ABCA8: variants seen among roughly 807,000 people sequenced by gnomAD.
The protein encoded by ABCA8 is ABC-type organic anion transporter ABCA8.
ABCA8 carries 177 observed loss-of-function variants against 192.3 expected under a neutral mutation model. That is an observed-to-expected ratio of 0.92 (90% CI 0.81 to 1.04). ABCA8 has a LOEUF of 1.04. ABCA8 is among the 50% of genes least tolerant of loss of function. The pLI is 0.00. For synonymous variants in ABCA8, 642 were observed against 690.2 expected, an observed-to-expected ratio of 0.93 and a Z score of 1.09; for missense variants, 1,915 against 1,904.8, an observed-to-expected ratio of 1.01 and a Z score of -0.10.
intron 17 of ABCA8, among the ~76,000 whole-genome samples, 189 bp from the exon 18 acceptor site, chr17:68,908,068 T>C (rs138505442): frequency 1.1e-4 from 16 of 152,160 alleles, no homozygotes; most frequent in Non-Finnish European, 1.8e-4. Flanking sequence ...AGCCAAATCA[T>C]ATAAATGTGA....
intron 4 of ABCA8, 115 bp downstream of exon 4, chr17:68,940,643 T>A: frequency 1.1e-6 from 1 of 914,400 alleles, no homozygotes; most frequent in Admixed American, 2.4e-5. Flanking sequence ...TCCCAATTCA[T>A]GTACTCCAGA....
chr17:68,944,316 T>TAATATATATATATATATA (rs1226746677), intron 2 of ABCA8, among the ~76,000 whole-genome samples: 3 of 29,288 alleles, frequency 1.0e-4, no homozygotes, highest in Admixed American at 4.4e-4. Context: ...GAACTTAAAG[T>TAATATATATATATATATA]TATATATATA....
chr17:68,950,542 T>G (rs1344431035), intron 1 of ABCA8, among the ~76,000 whole-genome samples: 2 of 152,222 alleles, frequency 1.3e-5, no homozygotes, highest in Non-Finnish European at 1.5e-5. Flanking sequence ...TTTAAGCTTC[T>G]TTTTATTTTT....
In ABCA8 at chr17:68,882,702, C is replaced by A. The variant is rs2066365954; in HGVS notation, c.3725G>T (p.Ser1242Ile). ...DPFFRISPRS[S>I]DVCQNPEEPE... Reference sequence around the variant, plus strand: ...TTCTTCTGGATTTTGACACACATCACTACTTCTTGGAGAAATTCTAGAGTC... The same window carrying A: ...TTCTTCTGGATTTTGACACACATCAATACTTCTTGGAGAAATTCTAGAGTC... Residue 1242 changes from serine (S) to isoleucine (I), a missense_variant, in exon 30 of 40, where the codon AGT becomes ATT. Transcript: ENST00000586539. 6.2e-7 allele frequency: 1 copy of A among 1,612,102 alleles called. No individual in the cohort carries two copies. Among genetic ancestry groups the A allele is most frequent in the African/African-American group, 1.3e-5 (1 of 74,988 alleles).
At position 68,887,359 on chromosome 17, in the gene ABCA8, G is replaced by A. The variant is rs1375570741; in HGVS notation, c.3292C>T (p.Leu1098Phe). Residue 1098 changes from leucine to phenylalanine, a missense_variant, in exon 25 of 40, where the codon CTT becomes TTT. By Grantham distance (22) the Leu-to-Phe change is conservative. Coordinates refer to ENST00000586539, the MANE Select transcript of ABCA8 (RefSeq NM_001288985.2). ...SYISNFEDML[L>F]TIIHIIQIPC... ...ACTTGAATAATATGAATTATTGTAA[G>A]TAGCATGTCTTCGAAGTTTGAAATG... is the stretch of plus-strand genomic sequence containing the variant. 1 of 1,608,804 alleles carries A rather than the reference G, an allele frequency of 6.2e-7. No individual in the cohort carries two copies. The highest frequency in any genetic ancestry group is 1.1e-5 in the South Asian group (1 of 90,128).
rs905175890 is a variant in ABCA8 at position 68,926,677 on chromosome 17, T to C, written c.1273+1239A>G. Among the ~76,000 whole-genome samples, 4 of 152,242 alleles carry C rather than the reference T, an allele frequency of 2.6e-5. 1 individual carries two copies. The highest frequency in any genetic ancestry group is 9.6e-5 in the African/African-American group (4 of 41,472). ...AATTCTAATTGTGTAATAAGTGTGCTAGCCAACAATAGTGGATCCTGACAT... is the reference window on the plus strand; with the variant it reads ...AATTCTAATTGTGTAATAAGTGTGCCAGCCAACAATAGTGGATCCTGACAT... On this transcript the variant is annotated intron_variant, in intron 10 of 39. Transcript: ENST00000586539.
At chr17:68,893,185 G>A (rs1041606876) in intron 23 of ABCA8, among the ~76,000 whole-genome samples, 2 of 152,054 alleles carry the variant, frequency 1.3e-5, no homozygotes, top group African/African-American at 4.8e-5. Flanking sequence ...TCATGTTACA[G>A]GTTTTTTCCT....
At chr17:68,948,866 T>G (rs1036515097) in intron 2 of ABCA8, among the ~76,000 whole-genome samples, 5 of 152,192 alleles carry the variant, frequency 3.3e-5, no homozygotes, top group African/African-American at 1.2e-4. Flanking sequence ...AGGGTTTTTA[T>G]GGTTTTGGGT....
In ABCA8 at chr17:68,867,919, C is replaced by T; in HGVS notation, c.*166G>A. ...GTTGGCTTAGTCAAATGCCTCTGTC[C>T]ACACTGACATGGCACTTACCCAGCA... On this transcript the variant is annotated 3_prime_UTR_variant, in exon 40 of 40. Coordinates refer to ENST00000586539, the MANE Select transcript of ABCA8 (RefSeq NM_001288985.2). 1 of 594,550 alleles carries T rather than the reference C, an allele frequency of 1.7e-6. No individual in the cohort carries two copies. Among genetic ancestry groups the T allele is most frequent in the Admixed American group, 3.1e-5 (1 of 32,640 alleles). The allele number at this position is 594,550 out of a possible 1,614,324, so 36.8% of individuals were successfully genotyped here.
In ABCA8 at chr17:68,915,856, C is replaced by T. The variant is rs143415104; in HGVS notation, c.2138+1505G>A. Among the ~76,000 whole-genome samples the T allele has an allele frequency of 1.4e-3, 215 of 152,142 alleles. 4 individuals are homozygous for T. The highest frequency in any genetic ancestry group is 5.1e-3 in the African/African-American group (210 of 41,514). ...TTATTGATGCACCATTCACGAGAGC[C>T]GAGATTTGGAAGCAACCTAAGTGTC... is the stretch of plus-strand genomic sequence containing the variant. On this transcript the variant is annotated intron_variant, in intron 17 of 39. Transcript: ENST00000586539.
chr17:68,876,738 A>T (rs2143249142), intron 33 of ABCA8, 35 bp from the exon 34 acceptor site: 2 of 1,613,120 alleles, frequency 1.2e-6, no homozygotes, highest in Non-Finnish European at 8.5e-7. Flanking sequence ...AGTCTTCTTG[A>T]CAAGAGGAAA....
chr17:68,946,294 C>T (rs145508250), intron 2 of ABCA8, among the ~76,000 whole-genome samples: 132 of 152,208 alleles, frequency 8.7e-4, no homozygotes, highest in African/African-American at 2.8e-3. Context: ...TCTCGAACTC[C>T]TGACCTCATG....
chr17:68,933,797 A>G (rs2067978365), intron 5 of ABCA8, among the ~76,000 whole-genome samples: 1 of 152,200 alleles, frequency 6.6e-6, no homozygotes, highest in African/African-American at 2.4e-5. Flanking sequence ...CTGTCAGTCC[A>G]TTTAATAGTA....
At chr17:68,907,238 A>G (rs2067092237) in intron 18 of ABCA8, among the ~76,000 whole-genome samples, 1 of 152,184 alleles carries the variant, frequency 6.6e-6, no homozygotes, top group South Asian at 2.1e-4. Flanking sequence ...TTTGTTAACC[A>G]CATATACAGC....
intron 9 of ABCA8, 41 bp from the exon 10 acceptor site, chr17:68,928,104 A>G (rs1488960990): frequency 6.7e-7 from 1 of 1,487,642 alleles, no homozygotes; most frequent in East Asian, 2.3e-5. Context: ...AATTAGGTAT[A>G]AGATACATTT....
intron 5 of ABCA8, among the ~76,000 whole-genome samples, chr17:68,935,566 ATATT>A (rs1199991793): frequency 1.4e-4 from 20 of 144,202 alleles, no homozygotes; most frequent in African/African-American, 4.8e-4. Flanking sequence ...ATATATATAT[ATATT>A]ATCTTCTTTA....
At chr17:68,868,968 T>A (rs2065981180) in intron 38 of ABCA8, among the ~76,000 whole-genome samples, 1 of 152,106 alleles carries the variant, frequency 6.6e-6, no homozygotes, top group South Asian at 2.1e-4. Flanking sequence ...AGAGCTCACA[T>A]ACATCAGAGA....
At chr17:68,931,609 TC>T (rs1427857759) in intron 7 of ABCA8, among the ~76,000 whole-genome samples, 1 of 152,146 alleles carries the variant, frequency 6.6e-6, no homozygotes, top group Non-Finnish European at 1.5e-5. Flanking sequence ...GCACATTCTG[TC>T]CCCTTTTATC....
intron 5 of ABCA8, among the ~76,000 whole-genome samples, chr17:68,934,482 G>T (rs902560156): frequency 1.3e-5 from 2 of 152,196 alleles, no homozygotes; most frequent in Non-Finnish European, 2.9e-5. Flanking sequence ...TGGTAGGAGG[G>T]TTGAGTTGTA....
Sources: allele counts gnomAD v4.1 joint callset (sites outside exome capture counted in the v4.1 genomes callset), GRCh38; gene constraint gnomAD v4.1.1; transcripts MANE v1.5; gene names NCBI Gene and HGNC (gene_info 2026-07-23, HGNC 2026-07-21).